Variants in NCOA7 observed in about 807,000 individuals in gnomAD.
The protein encoded by NCOA7 is nuclear receptor coactivator 7.
Under a neutral mutation model 104.3 loss-of-function variants are expected in NCOA7, and 45 were observed. The observed-to-expected ratio is 0.43, with a 90% CI of 0.34 to 0.55. The LOEUF is 0.55. NCOA7 is among the 20% of genes least tolerant of loss of function. NCOA7 has a pLI of 0.02. For synonymous variants in NCOA7, 398 were observed against 402.3 expected (o/e 0.99, Z 0.13); for missense variants, 1,041 against 1,119.7 (o/e 0.93, Z 1.00).
chr6:125,923,449 G>A (rs1787762053), intron 13 of NCOA7, among the ~76,000 whole-genome samples: 1 of 152,200 alleles, frequency 6.6e-6, no homozygotes, highest in African/African-American at 2.4e-5. Flanking sequence ...TCCCTGCACT[G>A]TTATCTCTTC....
intron 2 of NCOA7, among the ~76,000 whole-genome samples, chr6:125,828,247 CA>C (rs1778831579): frequency 6.6e-6 from 1 of 152,198 alleles, no homozygotes; most frequent in South Asian, 2.1e-4. Flanking sequence ...AGAATCACTG[CA>C]GCTGAGAGAA....
chr6:125,866,813 T>C (rs1222447751), intron 3 of NCOA7, among the ~76,000 whole-genome samples: 3 of 151,616 alleles, frequency 2.0e-5, no homozygotes, highest in Admixed American at 1.3e-4. Flanking sequence ...TTTATAATCA[T>C]GTGTTTCAAC....
intron 1 of NCOA7, among the ~76,000 whole-genome samples, chr6:125,792,596 A>G (rs945605974): frequency 6.6e-6 from 1 of 152,188 alleles, no homozygotes; most frequent in Non-Finnish European, 1.5e-5. Flanking sequence ...AAGTAGAAAT[A>G]AAACATGTAG....
Position 125,890,647 on chromosome 6 carries a change from C to T in NCOA7, c.1933C>T (p.Leu645Phe), listed in dbSNP as rs1259116065. The change falls in exon 10 of 16, where the codon CTT becomes TTT. Residue 645 changes from leucine to phenylalanine, a missense_variant. Transcript: ENST00000392477. ...TTTTTTCGTGTGTGATTCAGATATA[C>T]TTCCTTCAAAAGAAGAAAAAAGCAA... ...KRIQVPIEDI[L>F]PSKEEKSKTP... 1.9e-6 allele frequency: 3 copies of T among 1,611,288 alleles called. No individual in the cohort carries two copies. The Admixed American group carries it at 5.0e-5, about 27-fold the overall frequency.
At position 125,824,061 on chromosome 6, in the gene NCOA7, G is replaced by GT. The variant is rs531706883; in HGVS notation, c.50+8667dup. On this transcript the variant is annotated intron_variant, in intron 2 of 15. Coordinates refer to ENST00000392477, the MANE Select transcript of NCOA7 (RefSeq NM_181782.5). ...AATTGTTAGCATATTGGGAGTGAGGGTTTTTTTTTTATCATTCAAAAATGA... is the reference window on the plus strand; with the variant it reads ...AATTGTTAGCATATTGGGAGTGAGGGTTTTTTTTTTTATCATTCAAAAATGA... Among the ~76,000 whole-genome samples, 407 of 147,140 alleles carry GT rather than the reference G, an allele frequency of 2.8e-3. 1 individual carries two copies. Among genetic ancestry groups the GT allele is most frequent in the African/African-American group, 6.1e-3 (244 of 40,130 alleles).
intron 1 of NCOA7, among the ~76,000 whole-genome samples, chr6:125,792,944 C>A (rs1018493304): frequency 6.6e-6 from 1 of 152,096 alleles, no homozygotes; most frequent in Admixed American, 6.6e-5. Flanking sequence ...GGGCATGCTC[C>A]CAGGTTTTCT....
Position 125,882,556 on chromosome 6 carries a change from A to G in NCOA7, c.699+5A>G. 6.2e-7 allele frequency: 1 copy of G among 1,610,520 alleles called. No homozygotes were observed. The highest frequency in any genetic ancestry group is 2.2e-5 in the East Asian group (1 of 44,752). On this transcript the variant is annotated splice_donor_5th_base_variant and intron_variant, in intron 7 of 15. Transcript: ENST00000392477. Reference sequence around the variant, plus strand: ...CGATACTTCACCGATGGAAAGGTATATAGCAATGTAATTTGTTTCCTTTCC... The same window carrying G: ...CGATACTTCACCGATGGAAAGGTATGTAGCAATGTAATTTGTTTCCTTTCC...
At chr6:125,793,981 T>A (rs1487482796) in intron 1 of NCOA7, among the ~76,000 whole-genome samples, 1 of 152,212 alleles carries the variant, frequency 6.6e-6, no homozygotes, top group Non-Finnish European at 1.5e-5. Flanking sequence ...GGGGGTTGGC[T>A]GAACAAAGGC....
chr6:125,842,098 CTTATAAGTGTTTTCTG>C (rs1780228126), intron 2 of NCOA7, among the ~76,000 whole-genome samples: 1 of 152,170 alleles, frequency 6.6e-6, no homozygotes, highest in Non-Finnish European at 1.5e-5. Context: ...TTTTATGCTA[CTTATAAGTGTTTTCTG>C]TCATCAGGCC....
At chr6:125,830,837 T>C (rs1026837765) in intron 2 of NCOA7, among the ~76,000 whole-genome samples, 1 of 151,820 alleles carries the variant, frequency 6.6e-6, no homozygotes, top group Non-Finnish European at 1.5e-5. Flanking sequence ...ATTTCATTAT[T>C]TTGTTGACAG....
Position 125,920,967 on chromosome 6 carries a change from C to A in NCOA7, c.2269C>A (p.Arg757Ser), listed in dbSNP as rs1211512940. The A allele has an allele frequency of 6.2e-7, 1 of 1,613,490 alleles. No individual in the cohort carries two copies. The change falls in exon 12 of 16, where the codon CGC becomes AGC. Residue 757 changes from arginine (R) to serine (S), a missense_variant. Arg to Ser is a moderately radical substitution (Grantham distance 110). Transcript: ENST00000392477. ...GATCATCACTGTTGAAGAGGCAAAG[C>A]GCAGGAAGAGCACATGCAGCTACTA... is the stretch of plus-strand genomic sequence containing the variant. Reference protein sequence around the residue: ...WEIITVEEAKRRKSTCSYYED... With the variant: ...WEIITVEEAKSRKSTCSYYED...
chr6:125,874,912 GATAAAA>G lies in NCOA7; in HGVS notation c.297_302del (p.Asp99_Lys101delinsGlu). 3 of 1,613,294 alleles carry G rather than the reference GATAAAA, an allele frequency of 1.9e-6. No homozygotes were observed. In the South Asian group the frequency reaches 3.3e-5, roughly 18 times the overall value. Reference sequence around the variant, plus strand: ...AGATGACAATCAAAACAAAACACATGATAAAAAAGAGAAGAAGATGGTGGTTCAGAA... The same window carrying G: ...AGATGACAATCAAAACAAAACACATGAAGAGAAGAAGATGGTGGTTCAGAA... On this transcript the variant is annotated inframe_deletion, in exon 4 of 16. Transcript: ENST00000392477.
At chr6:125,883,822 C>T (rs942791494) in intron 7 of NCOA7, among the ~76,000 whole-genome samples, 26 of 150,832 alleles carry the variant, frequency 1.7e-4, no homozygotes, top group African/African-American at 5.9e-4. Flanking sequence ...TGGGTTCAAG[C>T]GATTCCCCTG....
intron 13 of NCOA7, among the ~76,000 whole-genome samples, chr6:125,927,118 A>C (rs1268988265): frequency 1.3e-5 from 2 of 152,210 alleles, no homozygotes; most frequent in Non-Finnish European, 2.9e-5. Flanking sequence ...AAACTATAGT[A>C]AGTCAGTCAT....
At chr6:125,908,624 T>A (rs751873998) in intron 10 of NCOA7, among the ~76,000 whole-genome samples, 1 of 152,142 alleles carries the variant, frequency 6.6e-6, no homozygotes, top group Non-Finnish European at 1.5e-5. Flanking sequence ...AAATCTTCCT[T>A]CTCCCTGACC....
chr6:125,927,396 A>G (rs1663375368), intron 13 of NCOA7, among the ~76,000 whole-genome samples: 1 of 152,234 alleles, frequency 6.6e-6, no homozygotes, highest in African/African-American at 2.4e-5. Context: ...AAATTGGAAC[A>G]AATTGTTGGC....
intron 2 of NCOA7, among the ~76,000 whole-genome samples, chr6:125,822,500 A>C (rs932376222): frequency 6.6e-6 from 1 of 152,190 alleles, no homozygotes; most frequent in East Asian, 1.9e-4. Flanking sequence ...ACTTACCCCA[A>C]ATCACTTAGC....
chr6:125,856,684 T>A (rs1472267194), intron 3 of NCOA7, among the ~76,000 whole-genome samples: 1 of 151,346 alleles, frequency 6.6e-6, no homozygotes, highest in Non-Finnish European at 1.5e-5. Context: ...CTTCCAACAG[T>A]GTTGGAAGAC....
Position 125,915,440 on chromosome 6 carries a change from T to C in NCOA7, c.2204T>C (p.Ile735Thr), listed in dbSNP as rs146013409. The change falls in exon 11 of 16, where the codon ATT becomes ACT. Residue 735 changes from isoleucine to threonine, a missense_variant. Coordinates refer to ENST00000392477, the MANE Select transcript of NCOA7 (RefSeq NM_181782.5). Reference sequence around the variant, plus strand: ...GTGGAGAAGGAAGAACTGAACATGATTGACAACTTCTTCAGTGAGCCAACA... The same window carrying C: ...GTGGAGAAGGAAGAACTGAACATGACTGACAACTTCTTCAGTGAGCCAACA... ...VVVEKEELNM[I>T]DNFFSEPTTK... The C allele has an allele frequency of 4.2e-5, 67 of 1,613,910 alleles. No individual in the cohort carries two copies. In the East Asian group the frequency reaches 1.1e-3, roughly 27 times the overall value.
Sources: allele counts gnomAD v4.1 joint callset (sites outside exome capture counted in the v4.1 genomes callset), GRCh38; gene constraint gnomAD v4.1.1; transcripts MANE v1.5; gene names NCBI Gene and HGNC (gene_info 2026-07-23, HGNC 2026-07-21).